Variants in PUDP observed in about 807,000 individuals in gnomAD.
PUDP encodes pseudouridine-5'-phosphatase.
A neutral mutation model predicts 9.4 loss-of-function variants in PUDP; 8 were observed. The ratio of observed to expected loss-of-function variants is 0.85; its 90% confidence interval spans 0.50 to 1.53. The LOEUF (loss-of-function observed/expected upper bound fraction) is 1.53, where lower values mean the gene tolerates loss of function less well. PUDP is among the 40% of genes most tolerant of loss of function. PUDP has a pLI of 0.00. For missense variants in PUDP, 188 were observed against 189.7 expected (o/e 0.99, Z 0.05); for synonymous variants, 99 against 80.7 (o/e 1.23, Z -1.22).
chrX:6,909,853 T>A (rs181797516), intron 3 of PUDP, among the ~76,000 whole-genome samples: 59 of 112,590 alleles, frequency 5.2e-4, no homozygotes, highest in Middle Eastern at 4.6e-3. Context: ...CAAGTCCTAT[T>A]CAGTATTATT....
intron 3 of PUDP, among the ~76,000 whole-genome samples, chrX:6,756,405 G>T (rs765339417): frequency 5.3e-5 from 6 of 112,404 alleles, no homozygotes; most frequent in Admixed American, 9.4e-5. Flanking sequence ...CCATACAAAT[G>T]GTTGAATGAA....
intron 3 of PUDP, among the ~76,000 whole-genome samples, chrX:6,973,882 T>C (rs1928915444): frequency 9.0e-6 from 1 of 111,692 alleles, no homozygotes; most frequent in Admixed American, 9.5e-5. Context: ...TGAATCTGGG[T>C]GCTCCTGTAT....
intron 3 of PUDP, among the ~76,000 whole-genome samples, chrX:6,857,835 C>T (rs1329953669): frequency 8.9e-6 from 1 of 112,044 alleles, no homozygotes; most frequent in African/African-American, 3.2e-5. Flanking sequence ...TCACCCTGTG[C>T]CAGCCTTTAT....
intron 3 of PUDP, among the ~76,000 whole-genome samples, chrX:6,884,091 C>G (rs1317173470): frequency 8.9e-6 from 1 of 112,104 alleles, no homozygotes; most frequent in East Asian, 2.8e-4. Flanking sequence ...CCGCCCGCCT[C>G]AGCCTCCCAA....
chrX:6,888,323 C>T (rs778430723), intron 3 of PUDP, among the ~76,000 whole-genome samples: 9 of 110,292 alleles, frequency 8.2e-5, no homozygotes, highest in Non-Finnish European at 1.7e-4. Context: ...TAATTGATCA[C>T]ATGTACGTGA....
intron 3 of PUDP, among the ~76,000 whole-genome samples, chrX:6,894,102 G>A (rs1392469206): frequency 9.0e-6 from 1 of 110,971 alleles, no homozygotes; most frequent in Non-Finnish European, 1.9e-5. Flanking sequence ...CTGTTGGAGT[G>A]GGGGATGGGA....
chrX:7,064,247 C>CA (rs1930485396), intron 3 of PUDP, among the ~76,000 whole-genome samples: 1 of 111,374 alleles, frequency 9.0e-6, no homozygotes, highest in Admixed American at 9.6e-5. Flanking sequence ...GGGACAAGTA[C>CA]AAAGATTAAA....
intron 1 of PUDP, among the ~76,000 whole-genome samples, chrX:7,130,289 A>G: frequency 9.1e-6 from 1 of 110,159 alleles, no homozygotes; most frequent in African/African-American, 3.3e-5. Flanking sequence ...GTTTTGATGC[A>G]GGGTTAGGGG....
chrX:6,879,769 G>C (rs990436431), intron 3 of PUDP, among the ~76,000 whole-genome samples: 1 of 111,594 alleles, frequency 9.0e-6, no homozygotes, highest in African/African-American at 3.3e-5. Context: ...GCCCCGGGTA[G>C]ATGGGGGTCT....
intron 2 of PUDP, among the ~76,000 whole-genome samples, chrX:7,101,459 TAGAA>T (rs58084194): frequency 0.04 from 4,450 of 112,095 alleles, 209 homozygotes; most frequent in African/African-American, 0.14. Context: ...CCTGCTCGCT[TAGAA>T]AGCCAAATGA....
intron 1 of PUDP, among the ~76,000 whole-genome samples, chrX:7,038,447 T>C (rs1929881329): frequency 8.9e-6 from 1 of 112,571 alleles, no homozygotes; most frequent in South Asian, 3.7e-4. Context: ...CTTTTCATTT[T>C]CATGATGCTT....
intron 3 of PUDP, among the ~76,000 whole-genome samples, chrX:6,874,280 G>A (rs1471990425): frequency 9.0e-6 from 1 of 111,717 alleles, no homozygotes; most frequent in African/African-American, 3.3e-5. Flanking sequence ...TTATATGAAA[G>A]CTGCTTTCAT....
intron 3 of PUDP, among the ~76,000 whole-genome samples, chrX:6,928,408 G>A (rs944418165): frequency 1.8e-5 from 2 of 111,453 alleles, no homozygotes; most frequent in Non-Finnish European, 3.8e-5. Flanking sequence ...TCAGCTCAGC[G>A]TGTCCAAACG....
intron 3 of PUDP, among the ~76,000 whole-genome samples, chrX:6,898,794 T>C (rs1344740922): frequency 8.9e-6 from 1 of 112,126 alleles, no homozygotes. Flanking sequence ...TGCCAATCAT[T>C]TAAAAATCTA....
intron 1 of PUDP, among the ~76,000 whole-genome samples, chrX:7,111,551 G>A (rs1180421842): frequency 9.0e-6 from 1 of 111,492 alleles, no homozygotes; most frequent in Non-Finnish European, 1.9e-5. Flanking sequence ...AGGCAGCCCA[G>A]GCAGTGAAGC....
intron 1 of PUDP, among the ~76,000 whole-genome samples, chrX:7,139,557 T>G (rs1045031596): frequency 1.7e-5 from 1 of 57,667 alleles, no homozygotes; most frequent in Non-Finnish European, 3.2e-5. Flanking sequence ...CTGACACAAG[T>G]GGGAGAGGGT....
chrX:7,004,388 G>A (rs1332061359), intron 1 of PUDP, among the ~76,000 whole-genome samples: 2 of 111,000 alleles, frequency 1.8e-5, no homozygotes, highest in Non-Finnish European at 3.8e-5. Flanking sequence ...CCTGCTCACA[G>A]CCAGATCTGC....
intron 1 of PUDP, among the ~76,000 whole-genome samples, chrX:7,128,979 T>C (rs1932552543): frequency 8.9e-6 from 1 of 111,814 alleles, no homozygotes; most frequent in African/African-American, 3.3e-5. Context: ...TTAGTCACTA[T>C]GAATAAAGTA....
intron 3 of PUDP, among the ~76,000 whole-genome samples, chrX:6,784,227 A>G (rs1925610113): frequency 9.0e-6 from 1 of 111,686 alleles, no homozygotes; most frequent in Admixed American, 9.5e-5. Flanking sequence ...TCACATCAAC[A>G]TCTTCTGGTC....
Sources: allele counts gnomAD v4.1 joint callset (sites outside exome capture counted in the v4.1 genomes callset), GRCh38; gene constraint gnomAD v4.1.1; transcripts MANE v1.5; gene names NCBI Gene and HGNC (gene_info 2026-07-23, HGNC 2026-07-21).